The following PARD3 variants were observed in gnomAD, a reference collection of about 807,000 sequenced individuals.
PARD3 encodes the protein partitioning defective 3 homolog.
A neutral mutation model predicts 155.4 loss-of-function variants in PARD3; 75 were observed. That is an observed-to-expected ratio of 0.48 (90% CI 0.40 to 0.58). The LOEUF (loss-of-function observed/expected upper bound fraction) is 0.58. Ranked by LOEUF, PARD3 falls within the 20% of genes least tolerant of loss-of-function variation. The pLI is 0.00. For missense variants in PARD3, 1,642 were observed against 1,721.7 expected (o/e 0.95, Z 0.82); for synonymous variants, 576 against 610.5 (o/e 0.94, Z 0.83).
At chr10:34,555,655 A>G (rs2084920569) in intron 2 of PARD3, among the ~76,000 whole-genome samples, 1 of 152,104 alleles carries the variant, frequency 6.6e-6, no homozygotes, top group Admixed American at 6.6e-5. Context: ...TTACACCCTC[A>G]ATATGTATTA....
chr10:34,770,138 CA>C (rs1383541597), intron 1 of PARD3, among the ~76,000 whole-genome samples: 1 of 152,158 alleles, frequency 6.6e-6, no homozygotes, highest in Non-Finnish European at 1.5e-5. Context: ...ATCACCCAGC[CA>C]AATGTTTCCT....
At chr10:34,166,902 A>C (rs550410991) in intron 22 of PARD3, among the ~76,000 whole-genome samples, 1 of 152,344 alleles carries the variant, frequency 6.6e-6, no homozygotes, top group South Asian at 2.1e-4. Flanking sequence ...CAACATGCCA[A>C]ATATTCTATC....
intron 3 of PARD3, among the ~76,000 whole-genome samples, chr10:34,480,540 G>C (rs2079009005): frequency 6.6e-6 from 1 of 152,040 alleles, no homozygotes. Flanking sequence ...CGCCCAACCT[G>C]TTTCTACTTT....
intron 2 of PARD3, among the ~76,000 whole-genome samples, chr10:34,658,463 T>TGAAGCTTGAAGGCGGCACCAGGGGCA (rs1205122076): frequency 1.1e-4 from 17 of 152,158 alleles, no homozygotes; most frequent in African/African-American, 4.1e-4. Flanking sequence ...TATGAGAACC[T>TGAAGCTTGAAGGCGGCACCAGGGGCA]GAAGCTTGAA....
chr10:34,586,494 T>C (rs945588262), intron 2 of PARD3, among the ~76,000 whole-genome samples: 2 of 152,182 alleles, frequency 1.3e-5, no homozygotes, highest in Non-Finnish European at 2.9e-5. Flanking sequence ...TGTGTTTTTA[T>C]ACAGATCAAA....
chr10:34,550,000 C>T (rs2084408896), intron 2 of PARD3, among the ~76,000 whole-genome samples: 1 of 152,150 alleles, frequency 6.6e-6, no homozygotes. Flanking sequence ...AATCATGCTG[C>T]TTTAATCACC....
rs78355661 is a variant in PARD3 at position 34,399,511 on chromosome 10, C to T, written c.807-98G>A. The stretch of plus-strand genomic sequence containing the variant: ...AAAAAACTGCAACAACACAGACACA[C>T]AATAAACAACAAAAGAGAACAGAAC... On this transcript the variant is annotated intron_variant, in intron 6 of 24. Transcript: ENST00000374788. 4.9e-4 allele frequency: 374 copies of T among 764,440 alleles called. 4 individuals are homozygous for T. In the African/African-American group the frequency reaches 5.9e-3, roughly 12 times the overall value. The allele number at this position is 764,440 out of a possible 1,614,324, so 47.4% of individuals were successfully genotyped here. A position where few individuals can be genotyped will look rare whatever the true frequency, so the allele number is the denominator to read the frequency against.
At chr10:34,427,384 G>A (rs1190870130) in intron 5 of PARD3, among the ~76,000 whole-genome samples, 3 of 152,174 alleles carry the variant, frequency 2.0e-5, no homozygotes, top group Non-Finnish European at 2.9e-5. Context: ...ACGTAGGTAG[G>A]GATGAAACAC....
intron 2 of PARD3, among the ~76,000 whole-genome samples, chr10:34,660,546 C>A (rs1250774720): frequency 1.3e-5 from 2 of 152,040 alleles, no homozygotes; most frequent in Non-Finnish European, 2.9e-5. Flanking sequence ...TGGCCATGTA[C>A]ACAGCAGCCC....
At chr10:34,541,009 GAT>G (rs1452767527) in intron 2 of PARD3, among the ~76,000 whole-genome samples, 1 of 151,898 alleles carries the variant, frequency 6.6e-6, no homozygotes, top group Non-Finnish European at 1.5e-5. Context: ...CTTAATTTAA[GAT>G]ATAAGTAAAA....
chr10:34,809,278 C>A (rs1407308251), intron 1 of PARD3, among the ~76,000 whole-genome samples: 2 of 152,174 alleles, frequency 1.3e-5, no homozygotes, highest in African/African-American at 2.4e-5. Context: ...AACATTCTGA[C>A]TGCAATGTGA....
chr10:34,378,993 T>C (rs1441543116), intron 9 of PARD3, among the ~76,000 whole-genome samples: 1 of 152,182 alleles, frequency 6.6e-6, no homozygotes, highest in East Asian at 1.9e-4. Flanking sequence ...GGGGAGATAA[T>C]GATACATTTG....
chr10:34,125,467 T>C (rs1221734632), intron 23 of PARD3, among the ~76,000 whole-genome samples: 5 of 152,186 alleles, frequency 3.3e-5, no homozygotes, highest in African/African-American at 1.2e-4. Context: ...AGTCAAGGCA[T>C]GGAGGCCGCT....
At chr10:34,602,439 G>T (rs1009507845) in intron 2 of PARD3, among the ~76,000 whole-genome samples, 13 of 152,090 alleles carry the variant, frequency 8.5e-5, no homozygotes, top group South Asian at 8.3e-4. Context: ...TTGTATACTA[G>T]GGTGGTGTAA....
chr10:34,668,469 G>A (rs2093544530), intron 2 of PARD3, among the ~76,000 whole-genome samples: 1 of 152,170 alleles, frequency 6.6e-6, no homozygotes. Flanking sequence ...ACATCCATGT[G>A]AGTAGCTTCA....
At chr10:34,120,095 C>A in intron 23 of PARD3, among the ~76,000 whole-genome samples, 1 of 141,660 alleles carries the variant, frequency 7.1e-6, no homozygotes, top group Non-Finnish European at 1.5e-5. Flanking sequence ...TGGCTCACTG[C>A]AGCCTTGAAC....
At chr10:34,414,714 A>C (rs1289421712) in intron 5 of PARD3, among the ~76,000 whole-genome samples, 1 of 152,132 alleles carries the variant, frequency 6.6e-6, no homozygotes, top group African/African-American at 2.4e-5. Flanking sequence ...TAGAAAGCAG[A>C]GAGGACTCGA....
intron 2 of PARD3, among the ~76,000 whole-genome samples, chr10:34,571,698 C>T (rs1047083614): frequency 1.3e-5 from 2 of 152,170 alleles, no homozygotes; most frequent in African/African-American, 4.8e-5. Context: ...TTGAAGAATG[C>T]AATGACTGAT....
rs1840792663 is a variant in PARD3 at position 34,372,542 on chromosome 10, A to G, written c.1669-6T>C. The stretch of plus-strand genomic sequence containing the variant: ...ATCTGGCTTGGCTCTGCATTCTAGA[A>G]GAATTGAAGAAAAACATAAATACAG... On this transcript the variant is annotated splice_region_variant and splice_polypyrimidine_tract_variant and intron_variant, in intron 11 of 24. Transcript: ENST00000374788. The G allele has an allele frequency of 6.2e-7, 1 of 1,602,534 alleles. No homozygotes were observed. Among genetic ancestry groups the G allele is most frequent in the African/African-American group, 1.3e-5 (1 of 74,786 alleles).
Sources: gnomAD v4.1 joint callset for allele counts (sites outside exome capture counted in the v4.1 genomes callset) on GRCh38, gnomAD v4.1.1 for gene constraint, MANE v1.5 for transcripts, NCBI Gene and HGNC (gene_info 2026-07-23, HGNC 2026-07-21) for gene names.